BMPR1B: variants seen among roughly 807,000 people sequenced by gnomAD.
The protein encoded by BMPR1B is bone morphogenetic protein receptor type-1B.
In BMPR1B, 12 loss-of-function variants were observed where a neutral mutation model predicts 59.1. That is an observed-to-expected ratio of 0.20 (90% CI 0.13 to 0.33). BMPR1B has a LOEUF of 0.33. BMPR1B is among the 10% of genes least tolerant of loss of function. BMPR1B has a pLI of 1.00. For synonymous variants in BMPR1B, 237 were observed against 207.3 expected (o/e 1.14, Z -1.23); for missense variants, 550 against 610.9 (o/e 0.90, Z 1.05).
intron 2 of BMPR1B, among the ~76,000 whole-genome samples, chr4:94,909,569 CAT>C (rs1413672543): frequency 1.3e-5 from 2 of 152,080 alleles, no homozygotes; most frequent in Non-Finnish European, 2.9e-5. Flanking sequence ...AAAAGTGGAA[CAT>C]GTTAGTGATA....
At chr4:94,895,231 G>A (rs1019877167) in intron 2 of BMPR1B, among the ~76,000 whole-genome samples, 8 of 151,944 alleles carry the variant, frequency 5.3e-5, no homozygotes, top group Admixed American at 4.6e-4. Context: ...GATTAATGGT[G>A]CTTTAAGACG....
chr4:94,962,938 G>A (rs971848003), intron 2 of BMPR1B, among the ~76,000 whole-genome samples: 4 of 152,054 alleles, frequency 2.6e-5, no homozygotes, highest in Non-Finnish European at 5.9e-5. Flanking sequence ...ATTCTCACCA[G>A]CAGTGTACTA....
At chr4:94,813,652 A>G (rs1289786754) in intron 1 of BMPR1B, among the ~76,000 whole-genome samples, 1 of 152,176 alleles carries the variant, frequency 6.6e-6, no homozygotes, top group African/African-American at 2.4e-5. Flanking sequence ...TCTAAGTTGT[A>G]AAAGGATAGG....
chr4:94,993,477 T>A (rs1721871172), intron 2 of BMPR1B, among the ~76,000 whole-genome samples: 1 of 151,968 alleles, frequency 6.6e-6, no homozygotes, highest in South Asian at 2.1e-4. Context: ...TATGACAGGG[T>A]GGCCGGGTGC....
chr4:95,026,196 A>C (rs962315878), intron 3 of BMPR1B, among the ~76,000 whole-genome samples: 1 of 131,274 alleles, frequency 7.6e-6, no homozygotes, highest in African/African-American at 2.8e-5. Flanking sequence ...AAGAACATAA[A>C]TATTATGTGG....
At chr4:95,056,725 C>T (rs1392489393) in intron 3 of BMPR1B, among the ~76,000 whole-genome samples, 1 of 152,158 alleles carries the variant, frequency 6.6e-6, no homozygotes, top group African/African-American at 2.4e-5. Context: ...TCAGCTGGCT[C>T]CTGACTCATC....
chr4:95,022,131 G>C (rs901567103), intron 3 of BMPR1B, among the ~76,000 whole-genome samples: 17 of 152,156 alleles, frequency 1.1e-4, no homozygotes, highest in African/African-American at 3.9e-4. Context: ...GGCTCCTTCA[G>C]CTTTGTGACT....
chr4:94,763,693 G>A (rs2110559195), intron 1 of BMPR1B, among the ~76,000 whole-genome samples: 1 of 152,350 alleles, frequency 6.6e-6, no homozygotes, highest in Non-Finnish European at 1.5e-5. Flanking sequence ...AGACACATCT[G>A]TCACTAGTTA....
intron 1 of BMPR1B, among the ~76,000 whole-genome samples, chr4:94,811,808 C>T (rs907410682): frequency 2.0e-5 from 3 of 152,160 alleles, no homozygotes; most frequent in Non-Finnish European, 4.4e-5. Context: ...TGATTTATTG[C>T]TCCCTGTGAG....
chr4:94,953,451 G>T (rs1730025268), intron 2 of BMPR1B, among the ~76,000 whole-genome samples: 1 of 152,120 alleles, frequency 6.6e-6, no homozygotes, highest in Non-Finnish European at 1.5e-5. Flanking sequence ...TGTAAGGCAG[G>T]CCTGGTAGTG....
intron 2 of BMPR1B, among the ~76,000 whole-genome samples, chr4:94,963,981 A>AT (rs536770483): frequency 1.9e-3 from 293 of 151,990 alleles, no homozygotes; most frequent in African/African-American, 6.8e-3. Context: ...ATATCTTTCA[A>AT]TTTTTTGTAT....
Position 94,857,815 on chromosome 4 carries a change from A to G in BMPR1B, c.-182-18016A>G, listed in dbSNP as rs368527285. Among the ~76,000 whole-genome samples, 4 of 152,380 alleles carry G rather than the reference A, an allele frequency of 2.6e-5. No homozygotes were observed. In the East Asian group the frequency reaches 7.7e-4, roughly 29 times the overall value. On this transcript the variant is annotated intron_variant, in intron 1 of 12. Transcript: ENST00000515059. Reference sequence around the variant, plus strand: ...CAACACTTTTTTTAGTGGAATAGATACTAATATCTCCCAGAATGTTCTTTA... The same window carrying G: ...CAACACTTTTTTTAGTGGAATAGATGCTAATATCTCCCAGAATGTTCTTTA...
chr4:95,075,370 ATTG>A (rs1728624883), intron 3 of BMPR1B, among the ~76,000 whole-genome samples: 1 of 152,044 alleles, frequency 6.6e-6, no homozygotes, highest in East Asian at 1.9e-4. Context: ...TAGTGAATCT[ATTG>A]TTGGTCTGTT....
In BMPR1B at chr4:95,131,282, T is replaced by C. The variant is rs371779248; in HGVS notation, c.846T>C (p.His282=). Reference sequence around the variant, plus strand: ...AGTTGTACCTAATCACAGACTATCATGAAAATGGTTCCCTTTATGATTATC... The same window carrying C: ...AGTTGTACCTAATCACAGACTATCACGAAAATGGTTCCCTTTATGATTATC... ...WTQLYLITDY[H]ENGSLYDYLK... Residue 282 remains histidine (H), a synonymous_variant, in exon 10 of 13, where the codon CAT becomes CAC. Coordinates refer to ENST00000515059, the MANE Select transcript of BMPR1B (RefSeq NM_001203.3). 5.0e-6 allele frequency: 8 copies of C among 1,613,858 alleles called. No homozygotes were observed. Among genetic ancestry groups the C allele is most frequent in the Non-Finnish European group, 6.8e-6 (8 of 1,179,968 alleles).
chr4:94,841,670 T>G (rs6828821), intron 1 of BMPR1B, among the ~76,000 whole-genome samples: 93,271 of 151,806 alleles, frequency 0.61, 29,677 homozygotes, highest in African/African-American at 0.78. Flanking sequence ...GCACTCCCTA[T>G]TGAGATGAAC....
At chr4:94,863,956 G>A (rs1726102080) in intron 1 of BMPR1B, among the ~76,000 whole-genome samples, 2 of 152,214 alleles carry the variant, frequency 1.3e-5, no homozygotes, top group Admixed American at 1.3e-4. Context: ...TGTCAGAACA[G>A]CATTCAGTAC....
At position 94,992,882 on chromosome 4, in the gene BMPR1B, C is replaced by CT. The variant is rs35942593; in HGVS notation, c.-112-3149dup. ...TAGTTAGAATCATAAAGTATGTAAT[C>CT]TTTTTTTTTCCCCCTAAAGAGATGG... On this transcript the variant is annotated intron_variant, in intron 2 of 12. Transcript: ENST00000515059. 6.7e-3 allele frequency among the ~76,000 whole-genome samples: 1,014 copies of CT among 151,154 alleles called. 5 individuals carry two copies. The highest frequency in any genetic ancestry group is 8.4e-3 in the Non-Finnish European group (573 of 67,812).
chr4:95,016,238 C>T (rs1723578502), intron 3 of BMPR1B, among the ~76,000 whole-genome samples: 1 of 152,028 alleles, frequency 6.6e-6, no homozygotes, highest in Non-Finnish European at 1.5e-5. Flanking sequence ...TGACATTGGT[C>T]CAGATATTAC....
At chr4:94,970,361 G>T (rs531788284) in intron 2 of BMPR1B, among the ~76,000 whole-genome samples, 1 of 148,982 alleles carries the variant, frequency 6.7e-6, no homozygotes, top group East Asian at 2.0e-4. Flanking sequence ...TGTCACCCAG[G>T]CTGGAGTGTG....
Sources: allele counts gnomAD v4.1 joint callset (sites outside exome capture counted in the v4.1 genomes callset), GRCh38; gene constraint gnomAD v4.1.1; transcripts MANE v1.5; gene names NCBI Gene and HGNC (gene_info 2026-07-23, HGNC 2026-07-21).